DCC: variants seen among roughly 807,000 people sequenced by gnomAD.
DCC encodes the protein DCC netrin 1 receptor, also known as netrin receptor DCC.
Under a neutral mutation model 172.5 loss-of-function variants are expected in DCC, and 58 were observed. That is an observed-to-expected ratio of 0.34 (90% CI 0.27 to 0.42). DCC has a LOEUF of 0.42. Ranked by LOEUF, DCC falls within the 10% of genes least tolerant of loss-of-function variation. The probability of loss-of-function intolerance (pLI) is 1.00; values close to 1 mark genes in which losing one functional copy is unlikely to be tolerated. For missense variants in DCC, 1,740 were observed against 1,791.0 expected, an observed-to-expected ratio of 0.97 and a Z score of 0.51; for synonymous variants, 709 against 644.5, an observed-to-expected ratio of 1.10 and a Z score of -1.52.
At chr18:52,756,005 C>T (rs938429817) in intron 2 of DCC, among the ~76,000 whole-genome samples, 1 of 152,134 alleles carries the variant, frequency 6.6e-6, no homozygotes, top group African/African-American at 2.4e-5. Flanking sequence ...ATCATTCCAT[C>T]CAACATTTTC....
intron 3 of DCC, among the ~76,000 whole-genome samples, chr18:52,912,177 G>A (rs994968382): frequency 1.3e-5 from 2 of 152,026 alleles, no homozygotes; most frequent in African/African-American, 4.8e-5. Context: ...ACAATTTAGG[G>A]CATGTTACTT....
chr18:53,383,405 C>T (rs561700590), intron 15 of DCC, among the ~76,000 whole-genome samples: 1 of 151,552 alleles, frequency 6.6e-6, no homozygotes, highest in South Asian at 2.1e-4. Flanking sequence ...AGTTTCCATA[C>T]ATCACAGCAT....
intron 1 of DCC, among the ~76,000 whole-genome samples, chr18:52,666,896 T>C (rs2035467087): frequency 6.6e-6 from 1 of 152,192 alleles, no homozygotes; most frequent in South Asian, 2.1e-4. Flanking sequence ...TCCCAGGTAT[T>C]TTGATGAAAA....
At chr18:52,482,093 C>T (rs2029986537) in intron 1 of DCC, among the ~76,000 whole-genome samples, 2 of 152,022 alleles carry the variant, frequency 1.3e-5, no homozygotes, top group South Asian at 4.1e-4. Flanking sequence ...GCCATATCCA[C>T]TCACCCACCC....
intron 25 of DCC, among the ~76,000 whole-genome samples, chr18:53,472,524 T>G (rs1219314221): frequency 6.6e-6 from 1 of 152,210 alleles, no homozygotes; most frequent in Non-Finnish European, 1.5e-5. Flanking sequence ...TCTCAAACAT[T>G]ATTGTACTTT....
intron 1 of DCC, among the ~76,000 whole-genome samples, chr18:52,654,576 C>A (rs1239510052): frequency 6.6e-6 from 1 of 152,128 alleles, no homozygotes; most frequent in African/African-American, 2.4e-5. Flanking sequence ...GTGTTCATAT[C>A]TGTGTGTCCA....
intron 21 of DCC, among the ~76,000 whole-genome samples, chr18:53,431,930 C>A (rs909539704): frequency 6.6e-6 from 1 of 151,680 alleles, no homozygotes; most frequent in South Asian, 2.1e-4. Flanking sequence ...GTGATTTCCC[C>A]CAAATTTATA....
At chr18:52,952,576 T>C (rs1391134976) in intron 5 of DCC, among the ~76,000 whole-genome samples, 1 of 152,236 alleles carries the variant, frequency 6.6e-6, no homozygotes, top group African/African-American at 2.4e-5. Flanking sequence ...AAAAGCTTTC[T>C]ACTCAGCTCA....
chr18:52,913,276 A>C (rs1452670683), intron 3 of DCC, among the ~76,000 whole-genome samples: 1 of 152,118 alleles, frequency 6.6e-6, no homozygotes, highest in African/African-American at 2.4e-5. Flanking sequence ...AACAAAGCCT[A>C]ATATGTTGAT....
At chr18:53,144,001 G>T (rs771051740) in intron 7 of DCC, among the ~76,000 whole-genome samples, 40 of 152,120 alleles carry the variant, frequency 2.6e-4, no homozygotes, top group Non-Finnish European at 5.4e-4. Flanking sequence ...GGAGGATGAA[G>T]TTACAATAGA....
intron 7 of DCC, among the ~76,000 whole-genome samples, chr18:53,121,785 A>T (rs893159023): frequency 6.6e-6 from 1 of 151,926 alleles, no homozygotes; most frequent in African/African-American, 2.4e-5. Context: ...TTTTATGATT[A>T]AAAAATTACA....
intron 1 of DCC, among the ~76,000 whole-genome samples, chr18:52,425,126 T>C (rs948425520): frequency 6.6e-6 from 1 of 152,172 alleles, no homozygotes; most frequent in African/African-American, 2.4e-5. Flanking sequence ...ATATTTCCTG[T>C]ATTAGAAAGT....
At chr18:53,512,988 C>G (rs372088511) in intron 27 of DCC, among the ~76,000 whole-genome samples, 1 of 152,172 alleles carries the variant, frequency 6.6e-6, no homozygotes, top group African/African-American at 2.4e-5. Flanking sequence ...TCGAGAAGAG[C>G]AACTCCAAGA....
chr18:52,769,133 A>G (rs1449443954), intron 2 of DCC, among the ~76,000 whole-genome samples: 1 of 152,336 alleles, frequency 6.6e-6, no homozygotes, highest in East Asian at 1.9e-4. Context: ...ACCTAATTGC[A>G]TTGTATTTTA....
intron 16 of DCC, among the ~76,000 whole-genome samples, chr18:53,388,363 C>T (rs1252226685): frequency 6.6e-6 from 1 of 152,206 alleles, no homozygotes; most frequent in Non-Finnish European, 1.5e-5. Context: ...AGACGGCATC[C>T]TCTATCTCTA....
chr18:52,415,889 T>C (rs374271998), intron 1 of DCC, among the ~76,000 whole-genome samples: 15 of 152,192 alleles, frequency 9.9e-5, no homozygotes, highest in Non-Finnish European at 1.6e-4. Context: ...CTACTCTGAT[T>C]TTAGTTATTT....
intron 27 of DCC, among the ~76,000 whole-genome samples, chr18:53,523,125 C>T (rs2144602636): frequency 6.6e-6 from 1 of 152,234 alleles, no homozygotes; most frequent in Admixed American, 6.5e-5. Flanking sequence ...AGGCACTTCT[C>T]AAGAGAAGAC....
intron 2 of DCC, among the ~76,000 whole-genome samples, chr18:52,812,954 C>T (rs1035408630): frequency 5.9e-5 from 9 of 152,112 alleles, no homozygotes; most frequent in Non-Finnish European, 1.0e-4. Context: ...CCTAGTCTCC[C>T]AAAATTGTAG....
intron 1 of DCC, among the ~76,000 whole-genome samples, chr18:52,579,233 T>C (rs2033488285): frequency 6.6e-6 from 1 of 152,176 alleles, no homozygotes; most frequent in African/African-American, 2.4e-5. Flanking sequence ...GTATTTCAGG[T>C]TGGTTTCCCA....
Sources: allele counts gnomAD v4.1 joint callset (sites outside exome capture counted in the v4.1 genomes callset), GRCh38; gene constraint gnomAD v4.1.1; transcripts MANE v1.5; gene names NCBI Gene and HGNC (gene_info 2026-07-23, HGNC 2026-07-21).